Variants in ARSG observed in about 807,000 individuals in gnomAD.
ARSG encodes the protein ASG.
ARSG carries 37 observed loss-of-function variants against 50.5 expected under a neutral mutation model. The ratio of observed to expected loss-of-function variants is 0.73; its 90% confidence interval spans 0.56 to 0.96. ARSG has a LOEUF of 0.96. Among genes scored for constraint, ARSG ranks in the 50% least tolerant of loss-of-function variants. The probability of loss-of-function intolerance (pLI) is 0.00; values close to 1 mark genes in which losing one functional copy is unlikely to be tolerated. For missense variants in ARSG, 629 were observed against 675.3 expected, an observed-to-expected ratio of 0.93 and a Z score of 0.76; for synonymous variants, 225 against 254.6, an observed-to-expected ratio of 0.88 and a Z score of 1.11.
chr17:68,319,139 A>G (rs1309547474), intron 2 of ARSG, among the ~76,000 whole-genome samples: 4 of 152,168 alleles, frequency 2.6e-5, no homozygotes, highest in African/African-American at 9.7e-5. Flanking sequence ...GACCAATATT[A>G]GGGAGAGCAG....
At chr17:68,348,318 AC>A (rs1276095607) in intron 4 of ARSG, among the ~76,000 whole-genome samples, 2 of 152,116 alleles carry the variant, frequency 1.3e-5, no homozygotes, top group Non-Finnish European at 2.9e-5. Context: ...AGGTGTTGGC[AC>A]CTTGAGGGCA....
At position 68,355,311 on chromosome 17, in the gene ARSG, G is replaced by A. The variant is rs137917956; in HGVS notation, c.567-1356G>A. On this transcript the variant is annotated intron_variant, in intron 5 of 11. Coordinates refer to ENST00000621439, the MANE Select transcript of ARSG (RefSeq NM_001267727.2). Reference sequence around the variant, plus strand: ...GACCATGACTCAGCCACATTGATGGGCAGCTATGGGTCAGATTCATTTCAA... The same window carrying A: ...GACCATGACTCAGCCACATTGATGGACAGCTATGGGTCAGATTCATTTCAA... 1.7e-4 allele frequency among the ~76,000 whole-genome samples: 26 copies of A among 152,324 alleles called. No homozygotes were observed. The East Asian group carries it at 4.6e-3, about 27-fold the overall frequency.
At chr17:68,382,577 A>G (rs1321287999) in intron 8 of ARSG, among the ~76,000 whole-genome samples, 1 of 152,238 alleles carries the variant, frequency 6.6e-6, no homozygotes, top group Admixed American at 6.5e-5. Flanking sequence ...TGGTGCAGAT[A>G]AAACACAACA....
At chr17:68,336,441 C>G (rs2078024093) in intron 2 of ARSG, among the ~76,000 whole-genome samples, 1 of 152,000 alleles carries the variant, frequency 6.6e-6, no homozygotes, top group African/African-American at 2.4e-5. Flanking sequence ...AACTCCTGAC[C>G]TAAAGTGATC....
chr17:68,286,486 G>C (rs1280645324), intron 1 of ARSG, among the ~76,000 whole-genome samples: 1 of 152,148 alleles, frequency 6.6e-6, no homozygotes, highest in African/African-American at 2.4e-5. Context: ...TGCTGTACAA[G>C]CCTACAGGAG....
At chr17:68,379,158 G>A (rs2080299524) in intron 8 of ARSG, among the ~76,000 whole-genome samples, 1 of 152,200 alleles carries the variant, frequency 6.6e-6, no homozygotes. Flanking sequence ...TAGAGGCCAG[G>A]CCGCCCTGTG....
downstream of ARSG, among the ~76,000 whole-genome samples, chr17:68,424,165 T>C (rs1029117026): frequency 6.6e-6 from 1 of 152,166 alleles, no homozygotes; most frequent in Non-Finnish European, 1.5e-5. Context: ...CAACAGAGGT[T>C]TTGAAGTTTA....
At chr17:68,410,919 T>C (rs1298512708) in intron 11 of ARSG, among the ~76,000 whole-genome samples, 1 of 152,118 alleles carries the variant, frequency 6.6e-6, no homozygotes, top group Non-Finnish European at 1.5e-5. Context: ...ATAGAGGTGT[T>C]TGTAGTATTC....
rs900219832 is a variant in ARSG, at chr17:68,409,597, C to T, written c.1303+8147C>T. ...TTCTTTTGGCTGAGGATTGACTTGGCGATGCGGGCTCTTTTTTGGTTCCAT... is the reference window on the plus strand; with the variant it reads ...TTCTTTTGGCTGAGGATTGACTTGGTGATGCGGGCTCTTTTTTGGTTCCAT... On this transcript the variant is annotated intron_variant, in intron 11 of 11. Coordinates refer to ENST00000621439, the MANE Select transcript of ARSG (RefSeq NM_001267727.2). Among the ~76,000 whole-genome samples, 243 of 151,852 alleles carry T rather than the reference C, an allele frequency of 1.6e-3. 1 individual carries two copies. The highest frequency in any genetic ancestry group is 5.6e-3 in the African/African-American group (230 of 41,282).
intron 6 of ARSG, among the ~76,000 whole-genome samples, chr17:68,360,906 C>A (rs928341638): frequency 2.0e-5 from 3 of 152,144 alleles, no homozygotes; most frequent in Non-Finnish European, 4.4e-5. Flanking sequence ...CGCACTGCAA[C>A]CTCTGCCTCC....
intron 8 of ARSG, among the ~76,000 whole-genome samples, chr17:68,375,490 C>G (rs772778773): frequency 1.2e-4 from 19 of 152,186 alleles, no homozygotes; most frequent in Non-Finnish European, 2.6e-4. Context: ...AATTTGAGAA[C>G]TACCTGTCTA....
rs549283308 is a variant in ARSG, at chr17:68,417,027, T to C, written c.1304-3162T>C. Reference sequence around the variant, plus strand: ...ATTGCTGGTGAGCTAGTGTGATTTTTTGGGGAGTGTCAAAGAGCCTTGTTT... The same window carrying C: ...ATTGCTGGTGAGCTAGTGTGATTTTCTGGGGAGTGTCAAAGAGCCTTGTTT... On this transcript the variant is annotated intron_variant, in intron 11 of 11. Transcript: ENST00000621439. Among the ~76,000 whole-genome samples, 4 of 152,348 alleles carry C rather than the reference T, an allele frequency of 2.6e-5. No homozygotes were observed. In the East Asian group the frequency reaches 7.7e-4, roughly 29 times the overall value.
At chr17:68,344,157 C>A (rs1355510829) in intron 3 of ARSG, among the ~76,000 whole-genome samples, 1 of 152,136 alleles carries the variant, frequency 6.6e-6, no homozygotes, top group Non-Finnish European at 1.5e-5. Context: ...ACTTTAGGCC[C>A]CTGAACCACG....
At chr17:68,405,130 C>CTTTT (rs58178643) in intron 11 of ARSG, among the ~76,000 whole-genome samples, 6 of 92,976 alleles carry the variant, frequency 6.5e-5, no homozygotes, top group Middle Eastern at 6.8e-3. Context: ...CAGCTTTGGG[C>CTTTT]TTTTTTTTTT....
At chr17:68,446,803 C>A in the ARSG span, among the ~76,000 whole-genome samples, 1 of 152,220 alleles carries the variant, frequency 6.6e-6, no homozygotes, top group South Asian at 2.1e-4. Context: ...ATCTGATCTG[C>A]ATTTTTTTCC....
intron 2 of ARSG, among the ~76,000 whole-genome samples, chr17:68,318,299 A>G (rs540656649): frequency 2.1e-4 from 32 of 152,342 alleles, no homozygotes; most frequent in African/African-American, 7.5e-4. Context: ...ATGATACAAC[A>G]CTAGTTTGGT....
chr17:68,337,725 C>A (rs1278214554), intron 2 of ARSG, among the ~76,000 whole-genome samples: 1 of 152,156 alleles, frequency 6.6e-6, no homozygotes, highest in Non-Finnish European at 1.5e-5. Flanking sequence ...TCCAGTGATT[C>A]TCCTGCCTCA....
intron 2 of ARSG, among the ~76,000 whole-genome samples, chr17:68,322,687 C>T (rs1233788455): frequency 6.6e-6 from 1 of 151,676 alleles, no homozygotes; most frequent in Non-Finnish European, 1.5e-5. Flanking sequence ...AGGACGTTAA[C>T]AAGCCCACGG....
intron 9 of ARSG, among the ~76,000 whole-genome samples, chr17:68,385,389 T>C (rs760246328): frequency 2.2e-4 from 33 of 151,164 alleles, no homozygotes; most frequent in Non-Finnish European, 4.4e-4. Context: ...TGGGGCCACG[T>C]GTGGAGGCTC....
Sources: gnomAD v4.1 joint callset for allele counts (sites outside exome capture counted in the v4.1 genomes callset) on GRCh38, gnomAD v4.1.1 for gene constraint, MANE v1.5 for transcripts, NCBI Gene and HGNC (gene_info 2026-07-23, HGNC 2026-07-21) for gene names.